The following CSPG4 variants were observed in gnomAD, a reference collection of about 807,000 sequenced individuals.
The protein encoded by CSPG4 is chondroitin sulfate proteoglycan 4 (melanoma-associated).
CSPG4 carries 74 observed loss-of-function variants against 139.3 expected under a neutral mutation model. The observed-to-expected ratio is 0.53, with a 90% CI of 0.44 to 0.64. CSPG4 has a LOEUF of 0.64. Ranked by LOEUF, CSPG4 falls within the 30% of genes least tolerant of loss-of-function variation. The pLI, the probability that CSPG4 is intolerant of heterozygous loss-of-function variation, is 0.00. For missense variants in CSPG4, 2,565 were observed against 3,148.3 expected, an observed-to-expected ratio of 0.81 and a Z score of 4.43; for synonymous variants, 1,234 against 1,394.2, an observed-to-expected ratio of 0.89 and a Z score of 2.56.
At position 75,687,140 on chromosome 15, in the gene CSPG4, A is replaced by C. The variant is rs754115200; in HGVS notation, c.3789+136T>G. The C allele has an allele frequency of 9.0e-6, 9 of 1,000,802 alleles. No individual in the cohort carries two copies. Among genetic ancestry groups the C allele is most frequent in the Non-Finnish European group, 1.2e-5 (8 of 658,068 alleles). 62.0% of individuals were successfully genotyped at this position (1,000,802 alleles called of 1,614,324 possible). ...CTGGGAGCACAACATATACGGGAGCACATCTGAGGCACGTGCACACATGTA... is the reference window on the plus strand; with the variant it reads ...CTGGGAGCACAACATATACGGGAGCCCATCTGAGGCACGTGCACACATGTA... On this transcript the variant is annotated intron_variant, in intron 3 of 9. Coordinates refer to ENST00000308508, the MANE Select transcript of CSPG4 (RefSeq NM_001897.5). The surrounding 1 kb of genome is among the most constrained non-coding windows in gnomAD (Gnocchi z 5.4).
Position 75,691,741 on chromosome 15 carries a change from G to A in CSPG4, c.253-929C>T, listed in dbSNP as rs576014237. ...TGACAGCAGAAATGGCTCTGGTACG[G>A]TGCTCCCAGATGGTAGAATGGGAGG... On this transcript the variant is annotated intron_variant, in intron 2 of 9. Transcript: ENST00000308508. Among the ~76,000 whole-genome samples the A allele has an allele frequency of 3.9e-5, 6 of 152,286 alleles. No homozygotes were observed. In the South Asian group the frequency reaches 8.3e-4, roughly 21 times the overall value.
chr15:75,693,818 T>C (rs561297382), intron 1 of CSPG4, among the ~76,000 whole-genome samples: 81 of 152,344 alleles, frequency 5.3e-4, no homozygotes, highest in South Asian at 1.0e-3. Context: ...GGTGTCAGCA[T>C]GGCCCACCTA....
intron 9 of CSPG4, 135 bp downstream of exon 9, chr15:75,677,568 C>G: frequency 8.2e-7 from 1 of 1,222,848 alleles, no homozygotes; most frequent in Non-Finnish European, 1.1e-6. Flanking sequence ...CAAAGCTTCC[C>G]CACTCACCCT....
Position 75,690,029 on chromosome 15 carries a change from C to A in CSPG4, c.1036G>T (p.Ala346Ser). 6.2e-7 allele frequency: 1 copy of A among 1,611,800 alleles called. No homozygotes were observed. The highest frequency in any genetic ancestry group is 8.5e-7 in the Non-Finnish European group (1 of 1,179,550). ...CAGCCCAGCAGGGAGGCATTGGTGGCCTCTGGTGTCAGGCCCAGGCGGTGT... is the reference window on the plus strand; with the variant it reads ...CAGCCCAGCAGGGAGGCATTGGTGGACTCTGGTGTCAGGCCCAGGCGGTGT... ...QEHRLGLTPE[A>S]TNASLLGCME... is the part of the protein sequence containing the mutation. The change falls in exon 3 of 10, where the codon GCC (alanine) becomes TCC (serine). Residue 346 changes from alanine (A) to serine (S), a missense_variant. By Grantham distance (99) the Ala-to-Ser change is moderately conservative (BLOSUM62 1). Around this residue, in one of 5 missense-constraint regions of CSPG4, gnomAD observed 2,316 missense variants for 2,818.2 expected, o/e 0.82. Transcript: ENST00000308508.
chr15:75,711,978 T>C (rs890457917), intron 1 of CSPG4, among the ~76,000 whole-genome samples: 25 of 151,032 alleles, frequency 1.7e-4, no homozygotes, highest in Non-Finnish European at 2.8e-4. Context: ...GAGCTATCTG[T>C]AGGACAAGCC....
At chr15:75,707,469 C>T (rs937061679) in intron 1 of CSPG4, among the ~76,000 whole-genome samples, 1 of 152,178 alleles carries the variant, frequency 6.6e-6, no homozygotes, top group Non-Finnish European at 1.5e-5. Flanking sequence ...CTTCAGGTCC[C>T]CAACATTTCA....
In CSPG4 at chr15:75,693,190, C is replaced by T. The variant is rs755251229; in HGVS notation, c.132G>A (p.Thr44=). 12 of 1,610,488 alleles carry T rather than the reference C, an allele frequency of 7.5e-6. No individual in the cohort carries two copies. Among genetic ancestry groups the T allele is most frequent in the Admixed American group, 1.7e-5 (1 of 59,846 alleles). ...GENHLEVPVA[T]ALTDIDLQLQ... ...GCTGCAGGTCTATGTCGGTCAGAGC[C>T]GTGGCCACAGGCACCTCCAGGTGGT... Residue 44 remains threonine, a synonymous_variant, in exon 2 of 10, where the codon ACG becomes ACA. Transcript: ENST00000308508.
chr15:75,682,794 G>A (rs769564688), intron 6 of CSPG4, 49 bp downstream of exon 6: 3 of 1,606,934 alleles, frequency 1.9e-6, no homozygotes, highest in South Asian at 2.2e-5. Context: ...CCCATCTCAG[G>A]GCACCCCCGT....
chr15:75,702,096 A>G (rs759519855), intron 1 of CSPG4, among the ~76,000 whole-genome samples: 19 of 151,952 alleles, frequency 1.3e-4, no homozygotes, highest in African/African-American at 4.4e-4. Context: ...ACTGAAAGCC[A>G]CTCCCTCAGC....
At chr15:75,705,266 G>T (rs1016397260) in intron 1 of CSPG4, among the ~76,000 whole-genome samples, 1 of 152,088 alleles carries the variant, frequency 6.6e-6, no homozygotes, top group Non-Finnish European at 1.5e-5. Context: ...GCAGGCAGCC[G>T]CTGGCTGATA....
chr15:75,677,064 C>T lies in CSPG4; in HGVS notation c.5455G>A (p.Glu1819Lys). The change falls in exon 10 of 10, where the codon GAG (glutamate) becomes AAG (lysine). Residue 1819 changes from glutamate (E) to lysine (K), a missense_variant. This residue lies in a region of CSPG4 where 2,316 missense variants were observed against 2,818.2 expected (regional missense o/e 0.82). Coordinates refer to ENST00000308508, the MANE Select transcript of CSPG4 (RefSeq NM_001897.5). ...GASVAGPQTS[E>K]AFAITVRDVN... ...TCCCTCACCGTGATGGCAAAGGCCT[C>T]TGAGGTTTGGGGTCCAGCCACGGAG... is the stretch of plus-strand genomic sequence containing the variant. The T allele has an allele frequency of 7.0e-7, 1 of 1,420,296 alleles. No homozygotes were observed. The highest frequency in any genetic ancestry group is 9.2e-7 in the Non-Finnish European group (1 of 1,081,268). 88.0% of individuals were successfully genotyped at this position (1,420,296 alleles called of 1,614,324 possible). A position where few individuals can be genotyped will look rare whatever the true frequency, so the allele number is the denominator to read the frequency against.
At chr15:75,713,094 G>A (rs1244897302), upstream of CSPG4, among the ~76,000 whole-genome samples, 1 of 152,200 alleles carries the variant, frequency 6.6e-6, no homozygotes, top group Non-Finnish European at 1.5e-5. Flanking sequence ...CTGAACTCTG[G>A]CCCCAAGAGC....
At chr15:75,706,261 C>T (rs988281425) in intron 1 of CSPG4, among the ~76,000 whole-genome samples, 3 of 152,196 alleles carry the variant, frequency 2.0e-5, no homozygotes, top group Non-Finnish European at 4.4e-5. Context: ...GTGGACTGGC[C>T]CAGGCCAGAG....
chr15:75,712,822 AGCGAGCGCGGCTCT>A lies in CSPG4; in HGVS notation c.-81_-68del. The A allele has an allele frequency of 7.3e-7, 1 of 1,378,496 alleles. No homozygotes were observed. The highest frequency in any genetic ancestry group is 9.7e-7 in the Non-Finnish European group (1 of 1,032,448). The allele number at this position is 1,378,496 out of a possible 1,614,324, so 85.4% of individuals were successfully genotyped here. The stretch of plus-strand genomic sequence containing the variant: ...GTCCTGGGAGCTGGGAGCTGAGTGG[AGCGAGCGCGGCTCT>A]GCTCCTGGGCGCGGGCCGGCTCCGG... On this transcript the variant is annotated 5_prime_UTR_variant, in exon 1 of 10. Transcript: ENST00000308508.
rs542292789 is a variant in CSPG4, at chr15:75,685,611, C to T, written c.3880G>A (p.Ala1294Thr). Reference protein sequence around the residue: ...AGYLVMVSRGALADEPPSLDP... With the variant: ...AGYLVMVSRGTLADEPPSLDP... ...AGGCTGGGTGGCTCATCTGCCAAGGCGCCACGCGACACCATCACCAGGTAG... is the reference window on the plus strand; with the variant it reads ...AGGCTGGGTGGCTCATCTGCCAAGGTGCCACGCGACACCATCACCAGGTAG... The change falls in exon 4 of 10, where the codon GCC becomes ACC. Residue 1294 changes from alanine (A) to threonine (T), a missense_variant. Coordinates refer to ENST00000308508, the MANE Select transcript of CSPG4 (RefSeq NM_001897.5). 2.2e-5 allele frequency: 36 copies of T among 1,609,742 alleles called. No homozygotes were observed. Among genetic ancestry groups the T allele is most frequent in the Non-Finnish European group, 2.6e-5 (31 of 1,179,424 alleles).
chr15:75,685,020 A>G, intron 4 of CSPG4, 108 bp from the exon 5 acceptor site: 1 of 1,299,152 alleles, frequency 7.7e-7, no homozygotes, highest in Non-Finnish European at 1.1e-6. Flanking sequence ...TTCCATTGGT[A>G]GAAAATGGGG....
In CSPG4 at chr15:75,676,943, A is replaced by C; in HGVS notation, c.5576T>G (p.Val1859Gly). Residue 1859 changes from valine to glycine, a missense_variant, in exon 10 of 10, where the codon GTG becomes GGG. Around this residue, in one of 5 missense-constraint regions of CSPG4, gnomAD observed 2,316 missense variants for 2,818.2 expected, o/e 0.82. Transcript: ENST00000308508. ...APISRAQLSV[V>G]DPDSAPGEIE... is the part of the protein sequence containing the mutation. ...CTCCCCAGGAGCTGAGTCTGGGTCC[A>C]CCACACTCAGCTGGGCCCGGGAGAT... 6.5e-7 allele frequency: 1 copy of C among 1,537,410 alleles called. No individual in the cohort carries two copies. Among genetic ancestry groups the C allele is most frequent in the East Asian group, 2.4e-5 (1 of 40,966 alleles).
At position 75,690,672 on chromosome 15, in the gene CSPG4, G is replaced by A; in HGVS notation, c.393C>T (p.Ala131=). The part of the protein sequence containing the change: ...ATLSVDGFLN[A]SSAVPGAPLE... ...GGGGGGCTCCTGGGACTGCTGAGGA[G>A]GCGTTCAGAAACCCATCGACTGACA... The change falls in exon 3 of 10, where the codon GCC becomes GCT. Residue 131 remains alanine (A), a synonymous_variant. Coordinates refer to ENST00000308508, the MANE Select transcript of CSPG4 (RefSeq NM_001897.5). The A allele has an allele frequency of 6.2e-7, 1 of 1,612,692 alleles. No individual in the cohort carries two copies. The highest frequency in any genetic ancestry group is 8.5e-7 in the Non-Finnish European group (1 of 1,180,026).
At position 75,706,497 on chromosome 15, in the gene CSPG4, G is replaced by T. The variant is rs570053499; in HGVS notation, c.88+6171C>A. Among the ~76,000 whole-genome samples, 5 of 152,332 alleles carry T rather than the reference G, an allele frequency of 3.3e-5. No individual in the cohort carries two copies. The South Asian group carries it at 1.0e-3, about 32-fold the overall frequency. On this transcript the variant is annotated intron_variant, in intron 1 of 9. Coordinates refer to ENST00000308508, the MANE Select transcript of CSPG4 (RefSeq NM_001897.5). Reference sequence around the variant, plus strand: ...CTTACTGGGTGTCAGGCTGAAGAAGGTCATGAACCGGGGACAGAGGCCAGG... The same window carrying T: ...CTTACTGGGTGTCAGGCTGAAGAAGTTCATGAACCGGGGACAGAGGCCAGG...
Sources: allele counts gnomAD v4.1 joint callset (sites outside exome capture counted in the v4.1 genomes callset), GRCh38; gene constraint gnomAD v4.1.1; regional missense constraint gnomAD v4.1.1; non-coding constraint Gnocchi (gnomAD v3.1); transcripts MANE v1.5; gene names NCBI Gene and HGNC (gene_info 2026-07-23, HGNC 2026-07-21).